The following EPN2 variants were observed in gnomAD, a reference collection of about 807,000 sequenced individuals.
EPN2 encodes epsin 2, also known as epsin-2.
A neutral mutation model predicts 61.7 loss-of-function variants in EPN2; 34 were observed. That is an observed-to-expected ratio of 0.55 (90% CI 0.42 to 0.73). EPN2 has a LOEUF of 0.73. Among genes scored for constraint, EPN2 ranks in the 30% least tolerant of loss-of-function variants. EPN2 has a pLI of 0.00. For synonymous variants in EPN2, 349 were observed against 353.6 expected (o/e 0.99, Z 0.15); for missense variants, 714 against 839.2 (o/e 0.85, Z 1.84).
chr17:19,279,649 A>G (rs1460455008), intron 1 of EPN2, among the ~76,000 whole-genome samples: 1 of 151,546 alleles, frequency 6.6e-6, no homozygotes, highest in African/African-American at 2.4e-5. Flanking sequence ...CATTCACAGG[A>G]TGGTCTTGAT....
chr17:19,254,567 CA>C (rs528426231), intron 1 of EPN2, among the ~76,000 whole-genome samples: 103 of 152,138 alleles, frequency 6.8e-4, no homozygotes, highest in Non-Finnish European at 1.1e-3. Context: ...AAAACAAAAA[CA>C]GAAAACTGTA....
rs144661702 is a variant in EPN2, at chr17:19,311,275, G to A, written c.880-777G>A. On this transcript the variant is annotated intron_variant, in intron 5 of 10. Transcript: ENST00000314728. Reference sequence around the variant, plus strand: ...TTCATGGCCAGCAGCCCAGGAAGAAGGTGCGTGGTAGCATCCACTGAGAAA... The same window carrying A: ...TTCATGGCCAGCAGCCCAGGAAGAAAGTGCGTGGTAGCATCCACTGAGAAA... Among the ~76,000 whole-genome samples, 1,138 of 152,256 alleles carry A rather than the reference G, an allele frequency of 7.5e-3. 11 individuals carry two copies. The highest frequency in any genetic ancestry group is 0.021 in the South Asian group (103 of 4,828).
Position 19,336,521 on chromosome 17 carries a change from T to C in EPN2, c.*2267T>C, listed in dbSNP as rs1907462168. Reference sequence around the variant, plus strand: ...CCGAGTGCATGTCCCTGTTGCCCACTGCACTGATCATGAAGCCACCGGCCA... The same window carrying C: ...CCGAGTGCATGTCCCTGTTGCCCACCGCACTGATCATGAAGCCACCGGCCA... On this transcript the variant is annotated 3_prime_UTR_variant, in exon 11 of 11. Coordinates refer to ENST00000314728, the MANE Select transcript of EPN2 (RefSeq NM_014964.5). 1 of 152,656 alleles carries C rather than the reference T, an allele frequency of 6.6e-6. No homozygotes were observed. Among genetic ancestry groups the C allele is most frequent in the African/African-American group, 2.4e-5 (1 of 41,524 alleles). The allele number at this position is 152,656 out of a possible 1,614,324, so 9.5% of individuals were successfully genotyped here. A position where few individuals can be genotyped will look rare whatever the true frequency, so the allele number is the denominator to read the frequency against.
In EPN2 at chr17:19,270,777, G is replaced by A. The variant is rs76692401; in HGVS notation, c.-293-11178G>A. 6.5e-3 allele frequency among the ~76,000 whole-genome samples: 984 copies of A among 152,310 alleles called. 54 individuals are homozygous for A. The East Asian group carries it at 0.12, about 18-fold the overall frequency. On this transcript the variant is annotated intron_variant, in intron 1 of 10. Transcript: ENST00000314728. ...CCCTAGGCTGCTGCCCAGGCTGCTGGTGTCGCTCCTGAGTCCAGCTGTAAG... is the reference window on the plus strand; with the variant it reads ...CCCTAGGCTGCTGCCCAGGCTGCTGATGTCGCTCCTGAGTCCAGCTGTAAG...
chr17:19,258,427 G>T (rs1288677885), intron 1 of EPN2, among the ~76,000 whole-genome samples: 1 of 152,122 alleles, frequency 6.6e-6, no homozygotes, highest in Non-Finnish European at 1.5e-5. Flanking sequence ...GGTGAGAGTC[G>T]CATTCCTGTC....
intron 1 of EPN2, among the ~76,000 whole-genome samples, chr17:19,246,038 C>G (rs144742541): frequency 1.3e-5 from 2 of 151,996 alleles, no homozygotes; most frequent in South Asian, 2.1e-4. Flanking sequence ...CGTGAGCTAT[C>G]GCACCCAGCT....
intron 4 of EPN2, among the ~76,000 whole-genome samples, chr17:19,306,631 A>G (rs983144262): frequency 2.0e-5 from 3 of 152,314 alleles, no homozygotes; most frequent in Admixed American, 1.3e-4. Flanking sequence ...TGTGCTAGAA[A>G]GCTCAGAGGA....
chr17:19,289,597 G>C (rs997157527), intron 4 of EPN2, among the ~76,000 whole-genome samples: 5 of 152,052 alleles, frequency 3.3e-5, no homozygotes, highest in Admixed American at 3.3e-4. Context: ...GCAAGTGGAG[G>C]TGTCAAGAAG....
At chr17:19,329,021 C>G in intron 8 of EPN2, 134 bp downstream of exon 8, 1 of 771,284 alleles carries the variant, frequency 1.3e-6, no homozygotes, top group Non-Finnish European at 2.0e-6. Flanking sequence ...AGCCTTTGTT[C>G]CTGATCCCCA....
intron 1 of EPN2, among the ~76,000 whole-genome samples, chr17:19,255,289 A>G (rs770503016): frequency 2.6e-5 from 4 of 151,976 alleles, no homozygotes; most frequent in Admixed American, 1.3e-4. Context: ...TATCTTGTGG[A>G]GAGTGTGAAT....
At chr17:19,309,827 G>A (rs1173626646) in intron 4 of EPN2, 58 bp from the exon 5 acceptor site, 3 of 1,403,948 alleles carry the variant, frequency 2.1e-6, no homozygotes, top group Non-Finnish European at 3.0e-6. Context: ...GGAAACTGCT[G>A]TGCAGGAGCT....
At chr17:19,260,283 G>C (rs1011654487) in intron 1 of EPN2, among the ~76,000 whole-genome samples, 2 of 152,226 alleles carry the variant, frequency 1.3e-5, no homozygotes, top group Admixed American at 1.3e-4. Context: ...ATGGGAGAGG[G>C]CCAGGAGGAA....
At chr17:19,284,508 A>G (rs2045386198) in intron 3 of EPN2, among the ~76,000 whole-genome samples, 1 of 152,154 alleles carries the variant, frequency 6.6e-6, no homozygotes, top group Non-Finnish European at 1.5e-5. Context: ...ACTCAGAGAG[A>G]CAGGTGGCCC....
chr17:19,310,197 A>G (rs1022924127), intron 5 of EPN2, among the ~76,000 whole-genome samples, 200 bp downstream of exon 5: 1 of 152,230 alleles, frequency 6.6e-6, no homozygotes, highest in African/African-American at 2.4e-5. Context: ...TCCCATGCAA[A>G]GTTACATTTA....
At chr17:19,316,239 G>A (rs143325819) in intron 7 of EPN2, among the ~76,000 whole-genome samples, 4 of 152,330 alleles carry the variant, frequency 2.6e-5, no homozygotes, top group Non-Finnish European at 4.4e-5. Flanking sequence ...TTTAAATGTT[G>A]GCTGTGAATT....
rs1406031420 is a variant in EPN2, at chr17:19,326,701, AAAAAAGT to A, written c.1148-2009_1148-2003del. On this transcript the variant is annotated intron_variant, in intron 7 of 10. Transcript: ENST00000314728. ...GACTCCGTCTCAAAAAAAAAAAAAA[AAAAAAGT>A]GCAAGGACGGAAATAGGTAAATGTA... 1.8e-4 allele frequency among the ~76,000 whole-genome samples: 28 copies of A among 151,364 alleles called. No homozygotes were observed. The East Asian group carries it at 4.3e-3, about 23-fold the overall frequency.
chr17:19,295,366 A>ACACACACACGCG (rs147719775), intron 4 of EPN2, among the ~76,000 whole-genome samples: 1 of 140,318 alleles, frequency 7.1e-6, no homozygotes, highest in Non-Finnish European at 1.5e-5. Context: ...ACACACACAC[A>ACACACACACGCG]CGCGCGTGCG....
intron 1 of EPN2, among the ~76,000 whole-genome samples, chr17:19,261,561 C>T (rs2045142099): frequency 6.6e-6 from 1 of 152,212 alleles, no homozygotes; most frequent in African/African-American, 2.4e-5. Context: ...TCCTCCCCTT[C>T]CCTCTGCCCC....
At position 19,283,156 on chromosome 17, in the gene EPN2, A is replaced by G. The variant is rs1176039511; in HGVS notation, c.37A>G (p.Ile13Val). The G allele has an allele frequency of 6.2e-7, 1 of 1,612,976 alleles. No homozygotes were observed. Among genetic ancestry groups the G allele is most frequent in the East Asian group, 2.2e-5 (1 of 44,876 alleles). ...GTCTATCAGACGGCAGATGAAAAACATCGTGAACAATTACTCAGAGGCAGA... is the reference window on the plus strand; with the variant it reads ...GTCTATCAGACGGCAGATGAAAAACGTCGTGAACAATTACTCAGAGGCAGA... ...TSSIRRQMKNIVNNYSEAEIK... is the reference protein window; with the variant it reads ...TSSIRRQMKNVVNNYSEAEIK... The change falls in exon 3 of 11, where the codon ATC becomes GTC. Residue 13 changes from isoleucine (I) to valine (V), a missense_variant. This residue lies in a region of EPN2 where 304 missense variants were observed against 417.4 expected (regional missense o/e 0.73). Transcript: ENST00000314728. This position sits in a 1 kb window ranked among gnomAD's most constrained non-coding sequence, Gnocchi z 7.0.
Sources: gnomAD v4.1 joint callset for allele counts (sites outside exome capture counted in the v4.1 genomes callset) on GRCh38, gnomAD v4.1.1 for gene constraint, gnomAD v4.1.1 regional missense constraint, Gnocchi (gnomAD v3.1) non-coding constraint, MANE v1.5 for transcripts, NCBI Gene and HGNC (gene_info 2026-07-23, HGNC 2026-07-21) for gene names.